Variants in DLG2 observed in about 807,000 individuals in gnomAD.
DLG2 encodes disks large homolog 2.
In DLG2, 45 loss-of-function variants were observed where a neutral mutation model predicts 132.5. The ratio of observed to expected loss-of-function variants is 0.34; its 90% confidence interval spans 0.27 to 0.44. DLG2 has a LOEUF of 0.44. Among genes scored for constraint, DLG2 ranks in the 20% least tolerant of loss-of-function variants. The probability of loss-of-function intolerance (pLI) is 1.00; values close to 1 mark genes in which losing one functional copy is unlikely to be tolerated. For synonymous variants in DLG2, 424 were observed against 419.6 expected (o/e 1.01, Z -0.13); for missense variants, 1,045 against 1,196.9 (o/e 0.87, Z 1.87).
intron 6 of DLG2, among the ~76,000 whole-genome samples, chr11:84,934,515 G>GTTTTTTTTTTTTTTT (rs2048482997): frequency 4.9e-5 from 2 of 40,510 alleles, no homozygotes; most frequent in African/African-American, 2.1e-4. Flanking sequence ...TTTTTTTTTT[G>GTTTTTTTTTTTTTTT]TTTTGTTTTG....
At chr11:84,196,521 T>G (rs1234046307) in intron 8 of DLG2, among the ~76,000 whole-genome samples, 1 of 152,244 alleles carries the variant, frequency 6.6e-6, no homozygotes, top group Non-Finnish European at 1.5e-5. Flanking sequence ...GGGAATGAGA[T>G]GCAGGGTATT....
chr11:84,173,973 T>TG (rs1327881424), intron 8 of DLG2, among the ~76,000 whole-genome samples: 1 of 149,948 alleles, frequency 6.7e-6, no homozygotes, highest in Middle Eastern at 3.2e-3. Context: ...TGTCCTTTGT[T>TG]GCTTTTATAA....
intron 11 of DLG2, among the ~76,000 whole-genome samples, chr11:84,042,408 A>G (rs998735084): frequency 6.6e-6 from 1 of 151,686 alleles, no homozygotes; most frequent in Non-Finnish European, 1.5e-5. Context: ...ATTGCTCATT[A>G]ATTTTTCATT....
chr11:84,372,378 T>C (rs543723374), intron 7 of DLG2, among the ~76,000 whole-genome samples: 13 of 152,180 alleles, frequency 8.5e-5, no homozygotes, highest in Non-Finnish European at 1.5e-4. Context: ...AAGGCCCATT[T>C]GCTTATAAAA....
intron 11 of DLG2, among the ~76,000 whole-genome samples, chr11:84,011,643 A>G (rs573643604): frequency 1.8e-4 from 28 of 152,162 alleles, no homozygotes; most frequent in African/African-American, 6.0e-4. Context: ...CTCTGCATCT[A>G]ATAATAAAAA....
intron 6 of DLG2, among the ~76,000 whole-genome samples, chr11:84,587,436 T>C (rs2099532420): frequency 6.6e-6 from 1 of 152,244 alleles, no homozygotes; most frequent in African/African-American, 2.4e-5. Context: ...ATTATCATTT[T>C]TTACTATTAA....
chr11:84,560,569 G>C (rs2099425058), intron 6 of DLG2, among the ~76,000 whole-genome samples: 1 of 152,090 alleles, frequency 6.6e-6, no homozygotes, highest in Admixed American at 6.6e-5. Context: ...CAGATTTGTT[G>C]AGAGAGGAGA....
intron 4 of DLG2, among the ~76,000 whole-genome samples, chr11:85,161,272 C>T (rs1594950384): frequency 6.6e-6 from 1 of 152,274 alleles, no homozygotes; most frequent in East Asian, 1.9e-4. Flanking sequence ...GCCAGTGGGC[C>T]CATGAACAAA....
At chr11:84,131,418 G>A (rs115162938) in intron 9 of DLG2, among the ~76,000 whole-genome samples, 2,947 of 152,050 alleles carry the variant, frequency 0.019, 73 homozygotes, top group African/African-American at 0.066. Flanking sequence ...ACATATACAT[G>A]TATACACACA....
At chr11:83,905,994 T>C (rs907964279) in intron 15 of DLG2, among the ~76,000 whole-genome samples, 1 of 151,572 alleles carries the variant, frequency 6.6e-6, no homozygotes, top group African/African-American at 2.4e-5. Context: ...TTGTTAGAAG[T>C]AAATTCAAGT....
intron 7 of DLG2, among the ~76,000 whole-genome samples, chr11:84,500,052 T>C (rs1179620140): frequency 6.6e-6 from 1 of 152,044 alleles, no homozygotes; most frequent in Non-Finnish European, 1.5e-5. Context: ...ACAAGATCCA[T>C]GCTCTCAAGG....
intron 2 of DLG2, among the ~76,000 whole-genome samples, chr11:85,608,971 G>C (rs1281898328): frequency 6.6e-6 from 1 of 152,210 alleles, no homozygotes; most frequent in South Asian, 2.1e-4. Flanking sequence ...AATGACAGCT[G>C]AGGAAAGGGA....
chr11:85,102,867 T>A (rs2071097305), intron 6 of DLG2, among the ~76,000 whole-genome samples: 1 of 151,970 alleles, frequency 6.6e-6, no homozygotes, highest in Non-Finnish European at 1.5e-5. Context: ...TCTCGTACAG[T>A]ATCTAGAAAA....
At chr11:85,574,911 C>A (rs1378431176) in intron 3 of DLG2, among the ~76,000 whole-genome samples, 1 of 152,038 alleles carries the variant, frequency 6.6e-6, no homozygotes, top group Non-Finnish European at 1.5e-5. Flanking sequence ...CTAATACAGT[C>A]CCTATCTTCA....
intron 17 of DLG2, among the ~76,000 whole-genome samples, chr11:83,812,524 T>C (rs901696766): frequency 3.9e-5 from 6 of 152,168 alleles, no homozygotes; most frequent in African/African-American, 1.4e-4. Flanking sequence ...TGAATAATCC[T>C]ATGAAGCACT....
At chr11:85,500,021 C>T (rs531606867) in intron 3 of DLG2, among the ~76,000 whole-genome samples, 11 of 152,260 alleles carry the variant, frequency 7.2e-5, no homozygotes, top group Non-Finnish European at 1.5e-4. Context: ...GAAGCATTCC[C>T]TTTGAAAACT....
intron 6 of DLG2, among the ~76,000 whole-genome samples, chr11:85,029,967 AGCGAGCTGTAACCAATCCAGTT>A (rs1390839811): frequency 1.3e-5 from 2 of 152,082 alleles, no homozygotes; most frequent in East Asian, 3.9e-4. Context: ...TAAGGCAAAG[AGCGAGCTGTAACCAATCCAGTT>A]GTTTCTGTAC....
chr11:84,750,469 C>G (rs1298461818), intron 6 of DLG2, among the ~76,000 whole-genome samples: 1 of 151,828 alleles, frequency 6.6e-6, no homozygotes, highest in Admixed American at 6.6e-5. Context: ...TTTTCTATTG[C>G]TGAGTTTAGA....
chr11:84,748,508 A>G (rs1430411141), intron 6 of DLG2, among the ~76,000 whole-genome samples: 1 of 152,156 alleles, frequency 6.6e-6, no homozygotes, highest in Admixed American at 6.5e-5. Flanking sequence ...TTATTTATTA[A>G]ATTAACTTTT....
Sources: allele counts gnomAD v4.1 joint callset (sites outside exome capture counted in the v4.1 genomes callset), GRCh38; gene constraint gnomAD v4.1.1; transcripts MANE v1.5; gene names NCBI Gene and HGNC (gene_info 2026-07-23, HGNC 2026-07-21).